KCNIP4: variants seen among roughly 807,000 people sequenced by gnomAD.
KCNIP4 encodes potassium voltage-gated channel interacting protein 4, also known as Kv channel-interacting protein 4.
Under a neutral mutation model 34.0 loss-of-function variants are expected in KCNIP4, and 12 were observed. That is an observed-to-expected ratio of 0.35 (90% CI 0.23 to 0.57). The LOEUF is 0.57. Ranked by LOEUF, KCNIP4 falls within the 20% of genes least tolerant of loss-of-function variation. The pLI is 0.83. For synonymous variants in KCNIP4, 124 were observed against 102.2 expected, an observed-to-expected ratio of 1.21 and a Z score of -1.29; for missense variants, 238 against 311.7, an observed-to-expected ratio of 0.76 and a Z score of 1.78.
intron 1 of KCNIP4, among the ~76,000 whole-genome samples, chr4:21,339,391 G>A (rs1468352844): frequency 6.6e-6 from 1 of 152,170 alleles, no homozygotes; most frequent in Non-Finnish European, 1.5e-5. Flanking sequence ...GATATGGAAA[G>A]GCACTTACTA....
intron 1 of KCNIP4, among the ~76,000 whole-genome samples, chr4:21,217,828 G>A (rs1757697169): frequency 6.6e-6 from 1 of 152,058 alleles, no homozygotes; most frequent in Non-Finnish European, 1.5e-5. Flanking sequence ...ATGATGTTCA[G>A]CAGGTTGTTA....
At chr4:21,863,956 C>A (rs114040693) in intron 1 of KCNIP4, among the ~76,000 whole-genome samples, 2,141 of 152,124 alleles carry the variant, frequency 0.014, 48 homozygotes, top group African/African-American at 0.048. Flanking sequence ...TGCTTTAACA[C>A]AAAAACAATT....
intron 1 of KCNIP4, among the ~76,000 whole-genome samples, chr4:21,006,184 T>C (rs1271595023): frequency 1.3e-5 from 2 of 152,266 alleles, no homozygotes; most frequent in East Asian, 3.9e-4. Flanking sequence ...TGGGTCCTGA[T>C]AAGGCAGCAC....
At chr4:21,888,221 A>G (rs915894356) in intron 1 of KCNIP4, among the ~76,000 whole-genome samples, 3 of 152,154 alleles carry the variant, frequency 2.0e-5, no homozygotes, top group African/African-American at 7.2e-5. Context: ...CTGAATAAGG[A>G]TAAATACAAC....
At chr4:21,684,340 C>T (rs1276461612) in intron 1 of KCNIP4, among the ~76,000 whole-genome samples, 1 of 152,130 alleles carries the variant, frequency 6.6e-6, no homozygotes, top group Non-Finnish European at 1.5e-5. Context: ...GATATACCTA[C>T]TGAAATTTTA....
rs145133390 is a variant in KCNIP4, at chr4:21,079,770, G to A, written c.62-197061C>T. ...TGTAACCATAATGGTTCTTATAAGT[G>A]AAAAAGGGAGGCAGGAGAGTCAGAG... On this transcript the variant is annotated intron_variant, in intron 1 of 8. Transcript: ENST00000382152. 2.7e-3 allele frequency among the ~76,000 whole-genome samples: 404 copies of A among 151,796 alleles called. 12 individuals are homozygous for A. Among genetic ancestry groups the A allele is most frequent in the African/African-American group, 9.1e-3 (374 of 41,252 alleles).
At chr4:21,343,244 T>C (rs1338964953) in intron 1 of KCNIP4, among the ~76,000 whole-genome samples, 1 of 152,086 alleles carries the variant, frequency 6.6e-6, no homozygotes, top group African/African-American at 2.4e-5. Flanking sequence ...ATAATGTACT[T>C]GGAGTTAGAT....
rs542290128 is a variant in KCNIP4, at chr4:21,170,409, T to C, written c.62-287700A>G. ...TTTAGTGTAAGGCCCCAGACTTTTC[T>C]GGAAAATTTAGGTAAGCACTAAAAA... On this transcript the variant is annotated intron_variant, in intron 1 of 8. Coordinates refer to ENST00000382152, the MANE Select transcript of KCNIP4 (RefSeq NM_025221.6). Among the ~76,000 whole-genome samples, 269 of 152,306 alleles carry C rather than the reference T, an allele frequency of 1.8e-3. 1 individual carries two copies. Among genetic ancestry groups the C allele is most frequent in the African/African-American group, 6.1e-3 (255 of 41,572 alleles).
chr4:21,280,316 C>G (rs1171046282), intron 1 of KCNIP4, among the ~76,000 whole-genome samples: 1 of 151,990 alleles, frequency 6.6e-6, no homozygotes, highest in East Asian at 1.9e-4. Context: ...ATTGAAAGGT[C>G]AAAAGTTTGG....
intron 1 of KCNIP4, among the ~76,000 whole-genome samples, chr4:21,414,513 T>G (rs1244304795): frequency 6.6e-6 from 1 of 152,160 alleles, no homozygotes; most frequent in Non-Finnish European, 1.5e-5. Flanking sequence ...GTTGCTATGA[T>G]AAACATTATG....
intron 1 of KCNIP4, among the ~76,000 whole-genome samples, chr4:21,830,728 C>A (rs1722933509): frequency 6.6e-6 from 1 of 152,028 alleles, no homozygotes; most frequent in Non-Finnish European, 1.5e-5. Context: ...TACACATTTT[C>A]AGCAATGGAC....
intron 1 of KCNIP4, among the ~76,000 whole-genome samples, chr4:20,997,944 A>T (rs1272403644): frequency 6.6e-6 from 1 of 152,178 alleles, no homozygotes; most frequent in Non-Finnish European, 1.5e-5. Context: ...TGAATTTTTG[A>T]TAAAGTTGTT....
chr4:21,783,241 CT>C (rs1719685239), intron 1 of KCNIP4, among the ~76,000 whole-genome samples: 1 of 152,146 alleles, frequency 6.6e-6, no homozygotes, highest in African/African-American at 2.4e-5. Flanking sequence ...AACAAGTTTT[CT>C]CAGTGCTATC....
chr4:21,693,555 T>C (rs1050349149), intron 1 of KCNIP4, among the ~76,000 whole-genome samples: 7 of 152,048 alleles, frequency 4.6e-5, no homozygotes, highest in African/African-American at 1.7e-4. Flanking sequence ...AGAGCAAGAC[T>C]CCGTCTCAAA....
intron 1 of KCNIP4, among the ~76,000 whole-genome samples, chr4:21,661,675 T>C (rs1748464424): frequency 6.6e-6 from 1 of 152,094 alleles, no homozygotes; most frequent in African/African-American, 2.4e-5. Flanking sequence ...ACTAAGACAC[T>C]CATCCGATAG....
chr4:21,260,616 T>C (rs1455169027), intron 1 of KCNIP4, among the ~76,000 whole-genome samples: 1 of 152,168 alleles, frequency 6.6e-6, no homozygotes, highest in Non-Finnish European at 1.5e-5. Context: ...TTAAGACTAG[T>C]CACAAACATG....
intron 1 of KCNIP4, among the ~76,000 whole-genome samples, chr4:21,145,106 C>T (rs1264438635): frequency 2.6e-5 from 4 of 152,090 alleles, no homozygotes; most frequent in Admixed American, 2.6e-4. Flanking sequence ...GGCAATTTAC[C>T]AGAAATTTTT....
At chr4:21,537,091 C>T (rs12643105) in intron 1 of KCNIP4, among the ~76,000 whole-genome samples, 54,846 of 151,784 alleles carry the variant, frequency 0.36, 10,280 homozygotes, top group South Asian at 0.55. Flanking sequence ...TCTCATTTCC[C>T]TGTGGCCACA....
intron 1 of KCNIP4, among the ~76,000 whole-genome samples, chr4:21,474,689 C>T (rs1490073600): frequency 6.6e-6 from 1 of 151,948 alleles, no homozygotes; most frequent in Non-Finnish European, 1.5e-5. Context: ...GAGGAGGAAA[C>T]AAGCACATTA....
Sources: allele counts gnomAD v4.1 joint callset (sites outside exome capture counted in the v4.1 genomes callset), GRCh38; gene constraint gnomAD v4.1.1; transcripts MANE v1.5; gene names NCBI Gene and HGNC (gene_info 2026-07-23, HGNC 2026-07-21).